The following MAP1S variants were observed in gnomAD, a reference collection of about 807,000 sequenced individuals.
The protein encoded by MAP1S is microtubule associated protein 1S, also known as microtubule-associated protein 1S.
In MAP1S, 27 loss-of-function variants were observed where a neutral mutation model predicts 60.9. The observed-to-expected ratio is 0.44, with a 90% confidence interval of 0.33 to 0.61. The LOEUF (loss-of-function observed/expected upper bound fraction) is 0.61, where lower values mean the gene tolerates loss of function less well. Ranked by LOEUF, MAP1S falls within the 20% of genes least tolerant of loss-of-function variation. The probability of loss-of-function intolerance (pLI) is 0.03; values close to 1 mark genes in which losing one functional copy is unlikely to be tolerated. For synonymous variants in MAP1S, 826 were observed against 694.2 expected (o/e 1.19, Z -2.98); for missense variants, 1,608 against 1,486.6 (o/e 1.08, Z -1.34).
At position 17,733,073 on chromosome 19, in the gene MAP1S, C is replaced by G; in HGVS notation, c.2789-120C>G. The G allele has an allele frequency of 4.7e-6, 3 of 640,454 alleles. No individual in the cohort carries two copies. The South Asian group carries it at 6.0e-5, about 13-fold the overall frequency. 39.7% of individuals were successfully genotyped at this position (640,454 alleles called of 1,614,324 possible). ...GCGCACCAGGCCTCCCCAGAAAACT[C>G]TGAGTTCAGGCCTCCTGCTGAGGAG... On this transcript the variant is annotated intron_variant, in intron 5 of 6. Coordinates refer to ENST00000324096, the MANE Select transcript of MAP1S (RefSeq NM_018174.6).
At position 17,724,321 on chromosome 19, in the gene MAP1S, G is replaced by C. The variant is rs951237141; in HGVS notation, c.303+113G>C. 7 of 822,808 alleles carry C rather than the reference G, an allele frequency of 8.5e-6. No homozygotes were observed. In the African/African-American group the frequency reaches 1.2e-4, roughly 14 times the overall value. The allele number at this position is 822,808 out of a possible 1,614,324, so 51.0% of individuals were successfully genotyped here. A position where few individuals can be genotyped will look rare whatever the true frequency, so the allele number is the denominator to read the frequency against. ...TGCCCCAGATCCTCTCAAGACACCC[G>C]GCACCACACTTCTTCGCCCACGAAG... is the stretch of plus-strand genomic sequence containing the variant. On this transcript the variant is annotated intron_variant, in intron 3 of 6. Coordinates refer to ENST00000324096, the MANE Select transcript of MAP1S (RefSeq NM_018174.6).
intron 5 of MAP1S, among the ~76,000 whole-genome samples, chr19:17,731,436 G>A (rs971149310): frequency 4.6e-5 from 7 of 152,094 alleles, no homozygotes; most frequent in Admixed American, 2.0e-4. Flanking sequence ...ATTTATTTCC[G>A]GGCCTCTATT....
chr19:17,725,042 C>T lies in MAP1S; in HGVS notation c.304-7C>T, dbSNP rs756532971. 6.2e-7 allele frequency: 1 copy of T among 1,614,158 alleles called. No homozygotes were observed. The highest frequency in any genetic ancestry group is 2.2e-5 in the East Asian group (1 of 44,872). Reference sequence around the variant, plus strand: ...ACGGGTCCTTTAGTGTTCACCCCCTCCCTCAGCTCCGGAACCTTCTGTTGG... The same window carrying T: ...ACGGGTCCTTTAGTGTTCACCCCCTTCCTCAGCTCCGGAACCTTCTGTTGG... On this transcript the variant is annotated splice_polypyrimidine_tract_variant and splice_region_variant and intron_variant, in intron 3 of 6. Coordinates refer to ENST00000324096, the MANE Select transcript of MAP1S (RefSeq NM_018174.6). This position sits in a 1 kb window ranked among gnomAD's most constrained non-coding sequence, Gnocchi z 4.2.
In MAP1S at chr19:17,726,551, C is replaced by T. The variant is rs371638088; in HGVS notation, c.1167C>T (p.Gly389=). 1.5e-4 allele frequency: 239 copies of T among 1,572,864 alleles called. 2 individuals are homozygous for T. The highest frequency in any genetic ancestry group is 1.8e-4 in the Non-Finnish European group (213 of 1,164,300). Residue 389 remains glycine, a synonymous_variant, in exon 5 of 7, where the codon GGC becomes GGT. Coordinates refer to ENST00000324096, the MANE Select transcript of MAP1S (RefSeq NM_018174.6). The stretch of plus-strand genomic sequence containing the variant: ...CCACCGTGCTCTTCGAGAAGATGGG[C>T]GTGGGCCGGCTGGACATGTATGTGC... ...AKPTVLFEKM[G]VGRLDMYVLH...
intron 2 of MAP1S, chr19:17,721,388 T>C: frequency 2.8e-6 from 1 of 357,626 alleles, no homozygotes; most frequent in South Asian, 2.2e-5. Flanking sequence ...ACAGAACATC[T>C]AGAATGAACC....
intron 2 of MAP1S, among the ~76,000 whole-genome samples, chr19:17,721,800 T>C (rs563439486): frequency 6.6e-6 from 1 of 152,196 alleles, no homozygotes; most frequent in East Asian, 1.9e-4. Flanking sequence ...CAGGCCTGGG[T>C]ATACAGTAGG....
At chr19:17,724,263 C>T in intron 3 of MAP1S, 55 bp downstream of exon 3, 2 of 1,389,586 alleles carry the variant, frequency 1.4e-6, no homozygotes, top group Admixed American at 1.7e-5. Flanking sequence ...CGTGCCTTCT[C>T]TGTCTTCCTG....
chr19:17,721,318 A>C, intron 2 of MAP1S: 1 of 425,096 alleles, frequency 2.4e-6, no homozygotes, highest in Non-Finnish European at 4.4e-6. Context: ...TTTGATGAGA[A>C]ACTGCTATGA....
chr19:17,721,365 G>A, intron 2 of MAP1S: 2 of 377,674 alleles, frequency 5.3e-6, no homozygotes, highest in South Asian at 4.2e-5. Context: ...CCCCAGTCAA[G>A]ACCCAGCAGT....
intron 1 of MAP1S, chr19:17,720,030 G>A (rs895616962): frequency 6.4e-6 from 5 of 786,194 alleles, no homozygotes; most frequent in African/African-American, 5.6e-5. Context: ...CTCCCGGAGG[G>A]AGAAGCAGAT....
chr19:17,733,942 A>G (rs2080516000), intron 6 of MAP1S, among the ~76,000 whole-genome samples: 1 of 152,154 alleles, frequency 6.6e-6, no homozygotes, highest in Admixed American at 6.5e-5. Flanking sequence ...AAAGGCCCAG[A>G]GGTAGGAAAG....
intron 5 of MAP1S, among the ~76,000 whole-genome samples, chr19:17,731,396 G>A (rs35250213): frequency 0.21 from 31,554 of 152,160 alleles, 4,250 homozygotes; most frequent in Non-Finnish European, 0.29. Flanking sequence ...TGGAACGCTT[G>A]TTGAAGATCA....
In MAP1S at chr19:17,727,116, A is replaced by G; in HGVS notation, c.1732A>G (p.Asn578Asp). The change falls in exon 5 of 7, where the codon AAT becomes GAT. Residue 578 changes from asparagine to aspartate, a missense_variant. By Grantham distance (23) the Asn-to-Asp change is conservative (BLOSUM62 1). Transcript: ENST00000324096. The surrounding 1 kb of genome is among the most constrained non-coding windows in gnomAD (Gnocchi z 4.1). Reference sequence around the variant, plus strand: ...CCACTCTGGCTTCCCGCCGGTGGCAAATGGACCCCGCAGCCCGCCCAGCCT... The same window carrying G: ...CCACTCTGGCTTCCCGCCGGTGGCAGATGGACCCCGCAGCCCGCCCAGCCT... ...TSHSGFPPVA[N>D]GPRSPPSLRC... is the part of the protein sequence containing the mutation. 1 of 1,599,424 alleles carries G rather than the reference A, an allele frequency of 6.3e-7. No homozygotes were observed. The highest frequency in any genetic ancestry group is 8.5e-7 in the Non-Finnish European group (1 of 1,175,544).
chr19:17,727,293 C>T lies in MAP1S; in HGVS notation c.1909C>T (p.Arg637Cys), dbSNP rs566412388. 7.6e-5 allele frequency: 121 copies of T among 1,589,730 alleles called. 1 individual carries two copies. The South Asian group carries it at 1.0e-3, about 14-fold the overall frequency. The change falls in exon 5 of 7, where the codon CGC (arginine) becomes TGC (cysteine). Residue 637 changes from arginine (R) to cysteine (C), a missense_variant. Arg to Cys is a radical substitution (Grantham distance 180). Transcript: ENST00000324096. The surrounding 1 kb of genome is among the most constrained non-coding windows in gnomAD (Gnocchi z 4.1). ...GGCCGCCAGCTCAATCCCAAGGCCA[C>T]GCACACCCTCCCCTGAGTCCCACCG... The part of the protein sequence containing the change: ...PLAASSIPRP[R>C]TPSPESHRSP...
rs759144600 is a variant in MAP1S at position 17,727,179 on chromosome 19, G to T, written c.1795G>T (p.Gly599Cys). The part of the protein sequence containing the change: ...GEASPPSAAC[G>C]SPASQLVATP... Reference sequence around the variant, plus strand: ...AGCCAGCCCCCCCAGTGCAGCCTGCGGCTCTCCGGCCTCCCAGCTGGTGGC... The same window carrying T: ...AGCCAGCCCCCCCAGTGCAGCCTGCTGCTCTCCGGCCTCCCAGCTGGTGGC... Residue 599 changes from glycine (G) to cysteine (C), a missense_variant, in exon 5 of 7, where the codon GGC (glycine) becomes TGC (cysteine). Around this residue, in one of 4 missense-constraint regions of MAP1S, gnomAD observed 1,167 missense variants for 961.4 expected, o/e 1.21. Transcript: ENST00000324096. This position sits in a 1 kb window ranked among gnomAD's most constrained non-coding sequence, Gnocchi z 4.1. The T allele has an allele frequency of 1.9e-6, 3 of 1,579,308 alleles. No homozygotes were observed. The highest frequency in any genetic ancestry group is 2.6e-6 in the Non-Finnish European group (3 of 1,166,480).
In MAP1S at chr19:17,727,994, C is replaced by G. The variant is rs926343625; in HGVS notation, c.2610C>G (p.Asn870Lys). The stretch of plus-strand genomic sequence containing the variant: ...CCCGGAAGCCCCTGGCCCGCCCCAA[C>G]TCACGCGCTGCCGCCCCCAAAGCCA... ...SRTRKPLARP[N>K]SRAAAPKATP... Residue 870 changes from asparagine to lysine, a missense_variant, in exon 5 of 7, where the codon AAC (asparagine) becomes AAG (lysine). By Grantham distance (94) the Asn-to-Lys change is moderately conservative. Transcript: ENST00000324096. The surrounding 1 kb of genome is among the most constrained non-coding windows in gnomAD (Gnocchi z 4.1). The G allele has an allele frequency of 6.2e-7, 1 of 1,611,294 alleles. No individual in the cohort carries two copies. Among genetic ancestry groups the G allele is most frequent in the Non-Finnish European group, 8.5e-7 (1 of 1,179,070 alleles).
intron 2 of MAP1S, 131 bp downstream of exon 2, chr19:17,721,168 T>C: frequency 2.6e-6 from 2 of 768,010 alleles, no homozygotes; most frequent in Non-Finnish European, 4.6e-6. Context: ...ACCTTTCAAA[T>C]GCAAGCCGTG....
In MAP1S at chr19:17,728,065, G is replaced by C. The variant is rs762189439; in HGVS notation, c.2681G>C (p.Arg894Pro). 2 of 1,612,568 alleles carry C rather than the reference G, an allele frequency of 1.2e-6. No homozygotes were observed. The highest frequency in any genetic ancestry group is 8.5e-7 in the Non-Finnish European group (1 of 1,179,860). The change falls in exon 5 of 7, where the codon CGT becomes CCT. Residue 894 changes from arginine (R) to proline (P), a missense_variant. Coordinates refer to ENST00000324096, the MANE Select transcript of MAP1S (RefSeq NM_018174.6). ...AKTKGLAGGD[R>P]ASRPLSARSE... ...ACCAAGGGGCTTGCTGGTGGGGACC[G>C]TGCCAGCCGACCACTCAGTGCCCGG...
chr19:17,726,320 C>T lies in MAP1S; in HGVS notation c.936C>T (p.Arg312=), dbSNP rs1328403448. The T allele has an allele frequency of 6.2e-7, 1 of 1,604,768 alleles. No individual in the cohort carries two copies. Among genetic ancestry groups the T allele is most frequent in the Non-Finnish European group, 8.5e-7 (1 of 1,178,560 alleles). The change falls in exon 5 of 7, where the codon CGC becomes CGT. Residue 312 remains arginine (R), a synonymous_variant. Coordinates refer to ENST00000324096, the MANE Select transcript of MAP1S (RefSeq NM_018174.6). ...TGCTGCGGCGCAAACTGGCGGAGCG[C>T]TCCGAGGTGGCTGCTGGTGGGGGCT... The part of the protein sequence containing the change: ...NSLLRRKLAE[R]SEVAAGGGSW...
Sources: gnomAD v4.1 joint callset for allele counts (sites outside exome capture counted in the v4.1 genomes callset) on GRCh38, gnomAD v4.1.1 for gene constraint, gnomAD v4.1.1 regional missense constraint, Gnocchi (gnomAD v3.1) non-coding constraint, MANE v1.5 for transcripts, NCBI Gene and HGNC (gene_info 2026-07-23, HGNC 2026-07-21) for gene names.